SPMIP4: variants seen among roughly 807,000 people sequenced by gnomAD.
SPMIP4 encodes sperm-associated microtubule inner protein 4.
the SPMIP4 span, among the ~76,000 whole-genome samples, chr7:25,171,293 A>C: frequency 6.6e-6 from 1 of 152,262 alleles, no homozygotes; most frequent in Non-Finnish European, 1.5e-5. Context: ...CTACTGGCTC[A>C]CTGTTGTAAC....
the SPMIP4 span, among the ~76,000 whole-genome samples, chr7:25,148,034 T>G: frequency 6.6e-6 from 1 of 152,242 alleles, no homozygotes; most frequent in East Asian, 1.9e-4. Context: ...TACACATTTT[T>G]GGACCTGCTT....
At chr7:25,167,305 T>C in the SPMIP4 span, among the ~76,000 whole-genome samples, 2 of 152,346 alleles carry the variant, frequency 1.3e-5, no homozygotes, top group East Asian at 3.9e-4. Flanking sequence ...AACTTTATAA[T>C]TGTCTGACCC....
chr7:25,168,164 G>A, the SPMIP4 span: 1 of 778,122 alleles, frequency 1.3e-6, no homozygotes, highest in Non-Finnish European at 2.0e-6. Flanking sequence ...TTCATTCTGT[G>A]TCTTTTCATA....
At chr7:25,142,345 A>G in the SPMIP4 span, 1 of 1,545,680 alleles carries the variant, frequency 6.5e-7, no homozygotes. Flanking sequence ...TAATGGAAAC[A>G]TCACCTTATT....
At chr7:25,143,165 AT>A in the SPMIP4 span, among the ~76,000 whole-genome samples, 8 of 152,360 alleles carry the variant, frequency 5.3e-5, no homozygotes, top group Non-Finnish European at 1.0e-4. Context: ...TTTAGCTAAA[AT>A]TGTGTGCCTT....
At chr7:25,166,530 T>G in the SPMIP4 span, among the ~76,000 whole-genome samples, 884 of 151,500 alleles carry the variant, frequency 5.8e-3, 6 homozygotes, top group African/African-American at 0.02. Flanking sequence ...GAGCTTGCAG[T>G]GAGCTGAGAT....
the SPMIP4 span, among the ~76,000 whole-genome samples, chr7:25,133,948 G>A: frequency 3.9e-4 from 60 of 152,116 alleles, no homozygotes; most frequent in African/African-American, 1.2e-3. Context: ...TATTAAAGAC[G>A]TTGCCAATGT....
At chr7:25,136,552 T>G in the SPMIP4 span, 1 of 1,614,202 alleles carries the variant, frequency 6.2e-7, no homozygotes, top group East Asian at 2.2e-5. This position sits in a 1 kb window ranked among gnomAD's most constrained non-coding sequence, Gnocchi z 5.7. Context: ...TTCTATGATC[T>G]TCTCTTCAAT....
chr7:25,146,777 T>C, the SPMIP4 span, among the ~76,000 whole-genome samples: 1 of 152,228 alleles, frequency 6.6e-6, no homozygotes, highest in Non-Finnish European at 1.5e-5. Context: ...GAAAATGGTT[T>C]TGTTAAAAAC....
the SPMIP4 span, among the ~76,000 whole-genome samples, chr7:25,176,799 A>G: frequency 6.6e-6 from 1 of 152,242 alleles, no homozygotes; most frequent in East Asian, 1.9e-4. This position sits in a 1 kb window ranked among gnomAD's most constrained non-coding sequence, Gnocchi z 4.4. Context: ...AATGTGTGTT[A>G]GTTTTATAAT....
the SPMIP4 span, among the ~76,000 whole-genome samples, chr7:25,151,352 G>C: frequency 2.0e-5 from 3 of 151,790 alleles, no homozygotes; most frequent in Non-Finnish European, 4.4e-5. Flanking sequence ...CTCCCGAGTA[G>C]CTAGGACTAC....
chr7:25,134,914 C>T, the SPMIP4 span: 3 of 985,248 alleles, frequency 3.0e-6, no homozygotes, highest in Non-Finnish European at 3.6e-6. Flanking sequence ...CTTTTACTTC[C>T]TGTCATAATG....
At chr7:25,142,400 T>C in the SPMIP4 span, 1 of 1,153,790 alleles carries the variant, frequency 8.7e-7, no homozygotes, top group Non-Finnish European at 1.2e-6. Context: ...TTACCCTTTA[T>C]AGGAAAACTT....
chr7:25,171,358 T>C, the SPMIP4 span, among the ~76,000 whole-genome samples: 1 of 152,206 alleles, frequency 6.6e-6, no homozygotes, highest in Non-Finnish European at 1.5e-5. Flanking sequence ...ATTGAATAAA[T>C]GAGTAAGGCC....
the SPMIP4 span, chr7:25,161,273 AAAAGATT>A: frequency 7.1e-7 from 1 of 1,403,986 alleles, no homozygotes; most frequent in South Asian, 1.3e-5. Flanking sequence ...GAAAAGAAAG[AAAAGATT>A]AAATTAAACA....
At chr7:25,150,111 G>A in the SPMIP4 span, among the ~76,000 whole-genome samples, 1 of 152,110 alleles carries the variant, frequency 6.6e-6, no homozygotes, top group Admixed American at 6.6e-5. Flanking sequence ...TGGAGGTAAG[G>A]GCAGATCCTG....
chr7:25,160,836 CT>C, the SPMIP4 span, among the ~76,000 whole-genome samples: 2 of 152,152 alleles, frequency 1.3e-5, no homozygotes, highest in Non-Finnish European at 2.9e-5. Context: ...TTGAGGGCCA[CT>C]ATGGCATTTT....
chr7:25,147,659 C>T, the SPMIP4 span, among the ~76,000 whole-genome samples: 6 of 152,148 alleles, frequency 3.9e-5, no homozygotes, highest in African/African-American at 9.7e-5. Context: ...AAAAGGTTAA[C>T]GTTCTTATGT....
chr7:25,134,857 A>G, the SPMIP4 span: 1 of 985,414 alleles, frequency 1.0e-6, no homozygotes, highest in Non-Finnish European at 1.2e-6. Flanking sequence ...AAGGCATGCA[A>G]CTGACATTGT....
Sources: allele counts gnomAD v4.1 joint callset (sites outside exome capture counted in the v4.1 genomes callset), GRCh38; gene constraint gnomAD v4.1.1; non-coding constraint Gnocchi (gnomAD v3.1); transcripts MANE v1.5; gene names NCBI Gene and HGNC (gene_info 2026-07-23, HGNC 2026-07-21).